Variants in PCMTD2 observed in about 807,000 individuals in gnomAD.
PCMTD2 encodes protein-L-isoaspartate O-methyltransferase domain-containing protein 2.
A neutral mutation model predicts 33.4 loss-of-function variants in PCMTD2; 16 were observed. That is an observed-to-expected ratio of 0.48 (90% CI 0.32 to 0.73). The LOEUF (loss-of-function observed/expected upper bound fraction) is 0.73, where lower values mean the gene tolerates loss of function less well. PCMTD2 is among the 30% of genes least tolerant of loss of function. The pLI is 0.03. For synonymous variants in PCMTD2, 161 were observed against 160.8 expected (o/e 1.00, Z -0.01); for missense variants, 374 against 449.9 (o/e 0.83, Z 1.53).
At chr20:64,257,724 C>T in intron 1 of PCMTD2, among the ~76,000 whole-genome samples, 1 of 152,124 alleles carries the variant, frequency 6.6e-6, no homozygotes, top group East Asian at 1.9e-4. Context: ...AAAAGGTTAC[C>T]GGTGTGTTGT....
chr20:64,273,510 C>T lies in PCMTD2; in HGVS notation c.996C>T (p.Asp332=), dbSNP rs146314236. The part of the protein sequence containing the change: ...EEKTPPETKP[D]PPVNFLRQKV... ...AGACCCCGCCGGAAACAAAGCCAGACCCCCCAGTGAACTTCCTACGCCAGA... is the reference window on the plus strand; with the variant it reads ...AGACCCCGCCGGAAACAAAGCCAGATCCCCCAGTGAACTTCCTACGCCAGA... Residue 332 remains aspartate, a synonymous_variant, in exon 6 of 6, where the codon GAC becomes GAT. Transcript: ENST00000308824. 7 of 1,600,768 alleles carry T rather than the reference C, an allele frequency of 4.4e-6. No homozygotes were observed. The highest frequency in any genetic ancestry group is 2.2e-5 in the East Asian group (1 of 44,856).
In PCMTD2 at chr20:64,274,197, T is replaced by C. The variant is rs1208547708; in HGVS notation, c.*597T>C. 6.6e-6 allele frequency: 1 copy of C among 152,212 alleles called. No individual in the cohort carries two copies. The highest frequency in any genetic ancestry group is 2.4e-5 in the African/African-American group (1 of 41,444). 9.4% of individuals were successfully genotyped at this position (152,212 alleles called of 1,614,324 possible). The stretch of plus-strand genomic sequence containing the variant: ...TTTTAAGTAAGTTGATTAAATCTTA[T>C]GTGAGTTGCCAGTTGTAATTTTTCA... On this transcript the variant is annotated 3_prime_UTR_variant, in exon 6 of 6. Coordinates refer to ENST00000308824, the MANE Select transcript of PCMTD2 (RefSeq NM_018257.3).
chr20:64,259,345 G>A (rs1471803753), intron 1 of PCMTD2, among the ~76,000 whole-genome samples: 2 of 151,052 alleles, frequency 1.3e-5, no homozygotes, highest in Non-Finnish European at 3.0e-5. Flanking sequence ...AGAATTCCCA[G>A]ATGTAATATA....
chr20:64,258,639 G>C (rs1020173429), intron 1 of PCMTD2: 1 of 152,188 alleles, frequency 6.6e-6, no homozygotes, highest in African/African-American at 2.4e-5. Flanking sequence ...CAGGCCCCTT[G>C]TCACCCCACA....
intron 1 of PCMTD2, chr20:64,258,635 C>T (rs959883084): frequency 3.9e-5 from 6 of 152,196 alleles, no homozygotes; most frequent in African/African-American, 1.4e-4. Context: ...GCCCCAGGCC[C>T]CTTGTCACCC....
chr20:64,257,645 T>C (rs1017312008), intron 1 of PCMTD2, among the ~76,000 whole-genome samples: 1 of 151,920 alleles, frequency 6.6e-6, no homozygotes, highest in Admixed American at 6.5e-5. Context: ...GTAATAAATA[T>C]CAGACCCCAC....
chr20:64,273,793 C>T lies in PCMTD2; in HGVS notation c.*193C>T, dbSNP rs1568739087. The stretch of plus-strand genomic sequence containing the variant: ...TCTATTCAGTTGTATGATTTGTTTA[C>T]ATAGTTCCACAAGACCTTCATTGCA... On this transcript the variant is annotated 3_prime_UTR_variant, in exon 6 of 6. Coordinates refer to ENST00000308824, the MANE Select transcript of PCMTD2 (RefSeq NM_018257.3). The T allele has an allele frequency of 2.2e-6, 1 of 452,758 alleles. No individual in the cohort carries two copies. The highest frequency in any genetic ancestry group is 3.3e-5 in the East Asian group (1 of 30,420). The allele number at this position is 452,758 out of a possible 1,614,324, so 28.0% of individuals were successfully genotyped here.
At chr20:64,270,773 C>A (rs987201304) in intron 5 of PCMTD2, among the ~76,000 whole-genome samples, 5 of 138,160 alleles carry the variant, frequency 3.6e-5, no homozygotes, top group African/African-American at 1.4e-4. Context: ...GTGATACGTA[C>A]AATGGTACAG....
In PCMTD2 at chr20:64,273,370, C is replaced by G. The variant is rs1568738725; in HGVS notation, c.856C>G (p.Arg286Gly). 6.2e-7 allele frequency: 1 copy of G among 1,614,112 alleles called. No individual in the cohort carries two copies. The highest frequency in any genetic ancestry group is 1.7e-5 in the Admixed American group (1 of 60,030). Reference sequence around the variant, plus strand: ...TAAACGAAGGAGAGTTCGCCGCCGTCGAATGGAAACGATTGTCTTTTTGGA... The same window carrying G: ...TAAACGAAGGAGAGTTCGCCGCCGTGGAATGGAAACGATTGTCTTTTTGGA... ...RFKRRRVRRR[R>G]METIVFLDKE... The change falls in exon 6 of 6, where the codon CGA (arginine) becomes GGA (glycine). Residue 286 changes from arginine (R) to glycine (G), a missense_variant. Transcript: ENST00000308824.
chr20:64,263,176 G>A (rs986373065), intron 2 of PCMTD2, among the ~76,000 whole-genome samples: 1 of 152,188 alleles, frequency 6.6e-6, no homozygotes, highest in Admixed American at 6.5e-5. Flanking sequence ...GGCAGAGTCG[G>A]GAATTGAAGT....
intron 1 of PCMTD2, among the ~76,000 whole-genome samples, chr20:64,259,512 G>T (rs996756261): frequency 6.7e-6 from 1 of 149,494 alleles, no homozygotes; most frequent in Non-Finnish European, 1.5e-5. Flanking sequence ...CCTCAGCCTC[G>T]CCAGTAGCTG....
chr20:64,259,914 C>A (rs754833983), intron 1 of PCMTD2, 28 bp from the exon 2 acceptor site: 3 of 1,130,140 alleles, frequency 2.7e-6, no homozygotes, highest in Non-Finnish European at 3.9e-6. Flanking sequence ...TAACATAAAT[C>A]GCTCTTTTTA....
intron 4 of PCMTD2, 61 bp downstream of exon 4, chr20:64,265,490 G>C: frequency 7.9e-7 from 1 of 1,266,166 alleles, no homozygotes; most frequent in Non-Finnish European, 1.1e-6. Context: ...GTTCTGGGCA[G>C]TGTACGGATA....
chr20:64,258,446 A>G (rs1025408277), intron 1 of PCMTD2, among the ~76,000 whole-genome samples: 1 of 152,216 alleles, frequency 6.6e-6, no homozygotes, highest in Non-Finnish European at 1.5e-5. Context: ...CCTAATATTC[A>G]GCTCTAAAAT....
At position 64,273,551 on chromosome 20, in the gene PCMTD2, C is replaced by G; in HGVS notation, c.1037C>G (p.Pro346Arg). ...NFLRQKVLSL[P>R]LPDPLKYYLL... ...CTACGCCAGAAGGTCCTGAGCCTCCCTCTGCCAGATCCCCTGAAATACTAC... is the reference window on the plus strand; with the variant it reads ...CTACGCCAGAAGGTCCTGAGCCTCCGTCTGCCAGATCCCCTGAAATACTAC... The change falls in exon 6 of 6, where the codon CCT becomes CGT. Residue 346 changes from proline (P) to arginine (R), a missense_variant. Transcript: ENST00000308824. 1 of 1,540,796 alleles carries G rather than the reference C, an allele frequency of 6.5e-7. No homozygotes were observed. The highest frequency in any genetic ancestry group is 8.7e-7 in the Non-Finnish European group (1 of 1,149,400).
intron 3 of PCMTD2, 55 bp from the exon 4 acceptor site, chr20:64,265,203 A>G (rs1985605927): frequency 2.2e-6 from 3 of 1,358,380 alleles, no homozygotes; most frequent in Non-Finnish European, 3.1e-6. Context: ...GATTTACTGT[A>G]TAGACTTGTT....
intron 5 of PCMTD2, among the ~76,000 whole-genome samples, chr20:64,270,518 C>T (rs1985870267): frequency 7.0e-6 from 1 of 143,620 alleles, no homozygotes; most frequent in Admixed American, 6.9e-5. Context: ...CCGGCGTGCA[C>T]GATGTGGGGT....
At chr20:64,269,070 A>G (rs1341123036) in intron 5 of PCMTD2, among the ~76,000 whole-genome samples, 1 of 152,200 alleles carries the variant, frequency 6.6e-6, no homozygotes, top group Non-Finnish European at 1.5e-5. Flanking sequence ...GTTGGGACTG[A>G]TGGGAGAAAC....
intron 2 of PCMTD2, chr20:64,262,729 C>T (rs1432638119): frequency 6.6e-6 from 1 of 152,362 alleles, no homozygotes; most frequent in East Asian, 1.9e-4. Context: ...CTCCTCTCCC[C>T]TTTGCTCAGG....
Sources: allele counts gnomAD v4.1 joint callset (sites outside exome capture counted in the v4.1 genomes callset), GRCh38; gene constraint gnomAD v4.1.1; transcripts MANE v1.5; gene names NCBI Gene and HGNC (gene_info 2026-07-23, HGNC 2026-07-21).